The following SKIDA1 variants were observed in gnomAD, a reference collection of about 807,000 sequenced individuals.
SKIDA1 encodes SKI/DACH domain-containing protein 1.
In SKIDA1, 18 loss-of-function variants were observed where a neutral mutation model predicts 51.4. That is an observed-to-expected ratio of 0.35 (90% confidence interval 0.24 to 0.52). The LOEUF is 0.52. SKIDA1 is among the 20% of genes least tolerant of loss of function. SKIDA1 has a pLI of 0.95. For synonymous variants in SKIDA1, 579 were observed against 500.5 expected (o/e 1.16, Z -2.09); for missense variants, 1,104 against 1,180.6 (o/e 0.94, Z 0.95).
intron 2 of SKIDA1, among the ~76,000 whole-genome samples, chr10:21,522,616 T>A (rs773355390): frequency 2.6e-5 from 4 of 152,070 alleles, no homozygotes; most frequent in Non-Finnish European, 4.4e-5. Flanking sequence ...AATGAAGGAG[T>A]AGAAAATGGC....
rs566834204 is a variant in SKIDA1, at chr10:21,522,667, A to AT, written c.-1929+1015dup. Among the ~76,000 whole-genome samples the AT allele has an allele frequency of 2.5e-3, 382 of 152,056 alleles. 6 individuals carry two copies. The South Asian group carries it at 0.037, about 15-fold the overall frequency. ...ATGATAACTTAGTATATTTCCTTTAATTTTTTTTCTTTCTGGTTCATTTGA... is the reference window on the plus strand; with the variant it reads ...ATGATAACTTAGTATATTTCCTTTAATTTTTTTTTCTTTCTGGTTCATTTGA... On this transcript the variant is annotated intron_variant, in intron 2 of 3. Coordinates refer to ENST00000449193, the MANE Select transcript of SKIDA1 (RefSeq NM_207371.4).
Position 21,514,393 on chromosome 10 carries a change from C to A in SKIDA1, c.*703G>T, listed in dbSNP as rs999240047. The A allele has an allele frequency of 6.6e-6, 1 of 151,264 alleles. No individual in the cohort carries two copies. Among genetic ancestry groups the A allele is most frequent in the South Asian group, 2.1e-4 (1 of 4,778 alleles). The allele number at this position is 151,264 out of a possible 1,614,324, so 9.4% of individuals were successfully genotyped here. A position where few individuals can be genotyped will look rare whatever the true frequency, so the allele number is the denominator to read the frequency against. ...AGTGGCTTTAAAAGTAAAATCACAC[C>A]CTTTACAAAAAAAATACAATTCCGT... On this transcript the variant is annotated 3_prime_UTR_variant, in exon 4 of 4. Coordinates refer to ENST00000449193, the MANE Select transcript of SKIDA1 (RefSeq NM_207371.4).
chr10:21,514,789 A>G lies in SKIDA1; in HGVS notation c.*307T>C. The stretch of plus-strand genomic sequence containing the variant: ...GCAGTTGAATTGAGGTACCGGGTGC[A>G]TTATTAGCATCGAAACAGTAAAGTG... On this transcript the variant is annotated 3_prime_UTR_variant, in exon 4 of 4. Coordinates refer to ENST00000449193, the MANE Select transcript of SKIDA1 (RefSeq NM_207371.4). The G allele has an allele frequency of 4.3e-6, 1 of 234,366 alleles. No individual in the cohort carries two copies. Among genetic ancestry groups the G allele is most frequent in the Non-Finnish European group, 8.2e-6 (1 of 121,326 alleles). 14.5% of individuals were successfully genotyped at this position (234,366 alleles called of 1,614,324 possible).
intron 1 of SKIDA1, among the ~76,000 whole-genome samples, chr10:21,524,405 C>A (rs1275037778): frequency 6.6e-6 from 1 of 151,880 alleles, no homozygotes; most frequent in East Asian, 1.9e-4. Flanking sequence ...TCTATTATTT[C>A]TTGGCAAATA....
At position 21,517,118 on chromosome 10, in the gene SKIDA1, G is replaced by C; in HGVS notation, c.705C>G (p.Ala235=). 1 of 1,087,466 alleles carries C rather than the reference G, an allele frequency of 9.2e-7. No individual in the cohort carries two copies. Among genetic ancestry groups the C allele is most frequent in the Non-Finnish European group, 1.1e-6 (1 of 891,022 alleles). 67.4% of individuals were successfully genotyped at this position (1,087,466 alleles called of 1,614,324 possible). ...CGGCGGCGGCGGCGGCGGCGGCGGC[G>C]GCAGCAGCGGCGGCGGCGGCGGCGG... ...AAAAAAAAAA[A]AAAAAAAAAY... The change falls in exon 4 of 4, where the codon GCC becomes GCG. Residue 235 remains alanine, a synonymous_variant. Transcript: ENST00000449193. This position sits in a 1 kb window ranked among gnomAD's most constrained non-coding sequence, Gnocchi z 6.9.
Position 21,517,899 on chromosome 10 carries a change from C to T in SKIDA1, c.-77G>A, listed in dbSNP as rs2032290408. On this transcript the variant is annotated 5_prime_UTR_variant, in exon 4 of 4. Transcript: ENST00000449193. The surrounding 1 kb of genome is among the most constrained non-coding windows in gnomAD (Gnocchi z 6.9). ...TACATACACATGTATGTATGTTAAT[C>T]CTCAGCCAGATGCTGCGTGTGTCTC... 2 of 1,319,326 alleles carry T rather than the reference C, an allele frequency of 1.5e-6. No homozygotes were observed. The highest frequency in any genetic ancestry group is 2.0e-6 in the Non-Finnish European group (2 of 977,366). 81.7% of individuals were successfully genotyped at this position (1,319,326 alleles called of 1,614,324 possible).
In SKIDA1 at chr10:21,518,590, AT is replaced by A. The variant is rs1252207788; in HGVS notation, c.-769del. 3 of 166,438 alleles carry A rather than the reference AT, an allele frequency of 1.8e-5. No individual in the cohort carries two copies. Among genetic ancestry groups the A allele is most frequent in the Admixed American group, 6.6e-5 (1 of 15,218 alleles). 10.3% of individuals were successfully genotyped at this position (166,438 alleles called of 1,614,324 possible). A position where few individuals can be genotyped will look rare whatever the true frequency, so the allele number is the denominator to read the frequency against. Reference sequence around the variant, plus strand: ...ATTCGCCTTTAAAGAAATACTGCCTATTTTTTTCGTTTATTTGCATTTTACC... The same window carrying A: ...ATTCGCCTTTAAAGAAATACTGCCTATTTTTTCGTTTATTTGCATTTTACC... On this transcript the variant is annotated 5_prime_UTR_variant, in exon 4 of 4. An upstream open reading frame in the 5' UTR gains an earlier in-frame stop. Coordinates refer to ENST00000449193, the MANE Select transcript of SKIDA1 (RefSeq NM_207371.4).
At chr10:21,522,834 C>CT (rs1178658655) in intron 2 of SKIDA1, among the ~76,000 whole-genome samples, 1 of 152,070 alleles carries the variant, frequency 6.6e-6, no homozygotes, top group African/African-American at 2.4e-5. Flanking sequence ...ACCTTCTACC[C>CT]TTTTTTTGCC....
chr10:21,522,266 A>ACCCCACC (rs2032420032), intron 2 of SKIDA1, among the ~76,000 whole-genome samples: 1 of 30,442 alleles, frequency 3.3e-5, no homozygotes, highest in Non-Finnish European at 6.1e-5. Flanking sequence ...GATCACAGCC[A>ACCCCACC]CCCCCCCCCC....
chr10:21,516,931 A>T lies in SKIDA1; in HGVS notation c.892T>A (p.Ser298Thr). ...GCCGCCGCCGCCTTGGCTTTGTAGG[A>T]CCTGGGCAACAGCAGCAGGCGCCGC... ...GARRLLLLPR[S>T]YKAKAAAAAA... The change falls in exon 4 of 4, where the codon TCC (serine) becomes ACC (threonine). Residue 298 changes from serine (S) to threonine (T), a missense_variant. Physicochemically the swap from Ser to Thr is moderately conservative, Grantham distance 58. Coordinates refer to ENST00000449193, the MANE Select transcript of SKIDA1 (RefSeq NM_207371.4). The surrounding 1 kb of genome is among the most constrained non-coding windows in gnomAD (Gnocchi z 5.7). 6.2e-6 allele frequency: 7 copies of T among 1,133,844 alleles called. No individual in the cohort carries two copies. Among genetic ancestry groups the T allele is most frequent in the Non-Finnish European group, 6.5e-6 (6 of 926,656 alleles). The allele number at this position is 1,133,844 out of a possible 1,614,324, so 70.2% of individuals were successfully genotyped here. A position where few individuals can be genotyped will look rare whatever the true frequency, so the allele number is the denominator to read the frequency against.
At position 21,517,330 on chromosome 10, in the gene SKIDA1, G is replaced by T; in HGVS notation, c.493C>A (p.Pro165Thr). 2 of 1,426,326 alleles carry T rather than the reference G, an allele frequency of 1.4e-6. No individual in the cohort carries two copies. The highest frequency in any genetic ancestry group is 1.8e-6 in the Non-Finnish European group (2 of 1,087,706). The allele number at this position is 1,426,326 out of a possible 1,614,324, so 88.4% of individuals were successfully genotyped here. The change falls in exon 4 of 4, where the codon CCC (proline) becomes ACC (threonine). Residue 165 changes from proline (P) to threonine (T), a missense_variant. Pro to Thr is a conservative substitution (Grantham distance 38). This residue lies in a region of SKIDA1 where 938 missense variants were observed against 886.4 expected (regional missense o/e 1.06). Coordinates refer to ENST00000449193, the MANE Select transcript of SKIDA1 (RefSeq NM_207371.4). The surrounding 1 kb of genome is among the most constrained non-coding windows in gnomAD (Gnocchi z 6.9). Reference protein sequence around the residue: ...SQRPGAAAARPAAHLPQIFSK... With the variant: ...SQRPGAAAARTAAHLPQIFSK... The stretch of plus-strand genomic sequence containing the variant: ...AAAATCTGAGGTAGATGGGCGGCGG[G>T]GCGCGCGGCGGCGGCGCCCGGGCGC...
chr10:21,521,015 ATGTG>A (rs945838991), intron 3 of SKIDA1, among the ~76,000 whole-genome samples: 2 of 149,358 alleles, frequency 1.3e-5, no homozygotes, highest in African/African-American at 4.9e-5. Flanking sequence ...CCTTGTGTGT[ATGTG>A]TGTGTTAGGC....
At position 21,517,057 on chromosome 10, in the gene SKIDA1, T is replaced by G; in HGVS notation, c.766A>C (p.Lys256Gln). The G allele has an allele frequency of 4.0e-6, 4 of 989,488 alleles. No individual in the cohort carries two copies. Among genetic ancestry groups the G allele is most frequent in the Non-Finnish European group, 3.6e-6 (3 of 841,786 alleles). 61.3% of individuals were successfully genotyped at this position (989,488 alleles called of 1,614,324 possible). The change falls in exon 4 of 4, where the codon AAG becomes CAG. Residue 256 changes from lysine (K) to glutamine (Q), a missense_variant. Lys to Gln is a moderately conservative substitution (Grantham distance 53). Coordinates refer to ENST00000449193, the MANE Select transcript of SKIDA1 (RefSeq NM_207371.4). This position sits in a 1 kb window ranked among gnomAD's most constrained non-coding sequence, Gnocchi z 6.9. ...YQVSAAGPQP[K>Q]AAAGAGGPGS... The stretch of plus-strand genomic sequence containing the variant: ...GGGCCTCCGGCGCCCGCCGCTGCCT[T>G]GGGCTGGGGCCCGGCCGCCGATACC...
chr10:21,521,705 CAGTG>C (rs2032401031), intron 2 of SKIDA1, among the ~76,000 whole-genome samples: 1 of 151,254 alleles, frequency 6.6e-6, no homozygotes, highest in African/African-American at 2.4e-5. Context: ...ATTATTTACT[CAGTG>C]AGGAATGCCT....
chr10:21,523,476 T>C (rs1163213115), intron 2 of SKIDA1, among the ~76,000 whole-genome samples: 1 of 152,194 alleles, frequency 6.6e-6, no homozygotes, highest in Non-Finnish European at 1.5e-5. Flanking sequence ...GTTGTAATAT[T>C]TTCCTATGAG....
rs1342886010 is a variant in SKIDA1, at chr10:21,518,065, G to C, written c.-243C>G. ...TTGCTTTTTTGTTGTTGTTGTTTTC[G>C]TTTTTTTAAAAAAGAGGGAAAAAAC... On this transcript the variant is annotated 5_prime_UTR_variant, in exon 4 of 4. Transcript: ENST00000449193. 1 of 471,484 alleles carries C rather than the reference G, an allele frequency of 2.1e-6. No homozygotes were observed. The highest frequency in any genetic ancestry group is 3.8e-6 in the Non-Finnish European group (1 of 261,528). 29.2% of individuals were successfully genotyped at this position (471,484 alleles called of 1,614,324 possible).
At position 21,517,629 on chromosome 10, in the gene SKIDA1, C is replaced by T. The variant is rs1564335723; in HGVS notation, c.194G>A (p.Arg65Gln). 6.2e-7 allele frequency: 1 copy of T among 1,613,892 alleles called. No individual in the cohort carries two copies. Among genetic ancestry groups the T allele is most frequent in the Non-Finnish European group, 8.5e-7 (1 of 1,179,814 alleles). ...KKHHCDLEEL[R>Q]KLKAINSIAF... Reference sequence around the variant, plus strand: ...GATGCTGTTAATTGCCTTGAGTTTCCGCAACTCCTCCAGATCGCAGTGGTG... The same window carrying T: ...GATGCTGTTAATTGCCTTGAGTTTCTGCAACTCCTCCAGATCGCAGTGGTG... The change falls in exon 4 of 4, where the codon CGG becomes CAG. Residue 65 changes from arginine (R) to glutamine (Q), a missense_variant. This residue lies in a region of SKIDA1 where 54 missense variants were observed against 126.0 expected (regional missense o/e 0.43). Coordinates refer to ENST00000449193, the MANE Select transcript of SKIDA1 (RefSeq NM_207371.4). This position sits in a 1 kb window ranked among gnomAD's most constrained non-coding sequence, Gnocchi z 6.9.
At chr10:21,521,256 G>A (rs916748659) in intron 3 of SKIDA1, 133 bp downstream of exon 3, 2 of 152,436 alleles carry the variant, frequency 1.3e-5, no homozygotes, top group South Asian at 2.1e-4. Flanking sequence ...CATGCACACC[G>A]GGGATTTCGA....
Position 21,516,123 on chromosome 10 carries a change from G to A in SKIDA1, c.1700C>T (p.Thr567Ile). Residue 567 changes from threonine (T) to isoleucine (I), a missense_variant, in exon 4 of 4, where the codon ACT becomes ATT. Transcript: ENST00000449193. The surrounding 1 kb of genome is among the most constrained non-coding windows in gnomAD (Gnocchi z 5.7). ...TGCCAGGCAGTTAATTGTCAGGTCA[G>A]TTCTCTTTACAGCATTGGAAATTTC... ...HSEISNAVKRTDLTINCLAEG... is the reference protein window; with the variant it reads ...HSEISNAVKRIDLTINCLAEG... 3 of 1,614,022 alleles carry A rather than the reference G, an allele frequency of 1.9e-6. No individual in the cohort carries two copies. The highest frequency in any genetic ancestry group is 1.7e-5 in the Admixed American group (1 of 60,028).
Sources: allele counts gnomAD v4.1 joint callset (sites outside exome capture counted in the v4.1 genomes callset), GRCh38; gene constraint gnomAD v4.1.1; regional missense constraint gnomAD v4.1.1; non-coding constraint Gnocchi (gnomAD v3.1); transcripts MANE v1.5; gene names NCBI Gene and HGNC (gene_info 2026-07-23, HGNC 2026-07-21).